Variants in WDR37 observed in about 807,000 individuals in gnomAD.
The protein encoded by WDR37 is WD repeat-containing protein 37.
A neutral mutation model predicts 62.9 loss-of-function variants in WDR37; 19 were observed. That is an observed-to-expected ratio of 0.30 (90% CI 0.21 to 0.44). WDR37 has a LOEUF of 0.44. Ranked by LOEUF, WDR37 falls within the 20% of genes least tolerant of loss-of-function variation. The pLI, the probability that WDR37 is intolerant of heterozygous loss-of-function variation, is 1.00. For synonymous variants in WDR37, 250 were observed against 260.9 expected (o/e 0.96, Z 0.40); for missense variants, 474 against 657.6 (o/e 0.72, Z 3.05).
intron 11 of WDR37, among the ~76,000 whole-genome samples, chr10:1,110,876 G>A (rs980923575): frequency 1.8e-4 from 28 of 152,364 alleles, no homozygotes; most frequent in African/African-American, 6.7e-4. Flanking sequence ...GGGAATGTTG[G>A]CCCAGGGCCG....
chr10:1,097,081 G>A (rs960535474), intron 9 of WDR37, among the ~76,000 whole-genome samples: 10 of 152,326 alleles, frequency 6.6e-5, no homozygotes, highest in Non-Finnish European at 1.5e-4. Flanking sequence ...AATGTTAAAG[G>A]TGCAGCCTGG....
At position 1,132,089 on chromosome 10, in the gene WDR37, T is replaced by C. The variant is rs1835960020; in HGVS notation, c.*2745T>C. On this transcript the variant is annotated 3_prime_UTR_variant, in exon 14 of 14. Coordinates refer to ENST00000263150, the MANE Select transcript of WDR37 (RefSeq NM_014023.4). The stretch of plus-strand genomic sequence containing the variant: ...GGAATCAGTTTTTATTGTATCGATA[T>C]AATTGTCTCTAAGTGTTGACTGTCT... The C allele has an allele frequency of 6.5e-6, 1 of 152,694 alleles. No individual in the cohort carries two copies. Among genetic ancestry groups the C allele is most frequent in the Admixed American group, 6.5e-5 (1 of 15,292 alleles). The allele number at this position is 152,694 out of a possible 1,614,324, so 9.5% of individuals were successfully genotyped here. A position where few individuals can be genotyped will look rare whatever the true frequency, so the allele number is the denominator to read the frequency against.
rs111845062 is a variant in WDR37 at position 1,116,138 on chromosome 10, G to A, written c.1104-8080G>A. Among the ~76,000 whole-genome samples the A allele has an allele frequency of 7.0e-3, 1,058 of 152,154 alleles. 19 individuals carry two copies. Among genetic ancestry groups the A allele is most frequent in the African/African-American group, 0.024 (1,010 of 41,484 alleles). ...CGTTGCACGCACCAGGCAACCTCCC[G>A]TCATCCACCCCGCCCCAGGTCTCCA... On this transcript the variant is annotated intron_variant, in intron 11 of 13. Transcript: ENST00000263150.
Position 1,121,373 on chromosome 10 carries a change from C to A in WDR37, c.1104-2845C>A, listed in dbSNP as rs1464725017. ...CCTCTCCTCTCATTCTTCCAGGCTC[C>A]CCCAGCAGCCGAAGTCCTCTAAGCC... is the stretch of plus-strand genomic sequence containing the variant. On this transcript the variant is annotated intron_variant, in intron 11 of 13. Transcript: ENST00000263150. This position sits in a 1 kb window ranked among gnomAD's most constrained non-coding sequence, Gnocchi z 4.5. Among the ~76,000 whole-genome samples the A allele has an allele frequency of 6.6e-6, 1 of 152,144 alleles. No individual in the cohort carries two copies. Among genetic ancestry groups the A allele is most frequent in the Non-Finnish European group, 1.5e-5 (1 of 68,028 alleles).
At chr10:1,091,394 C>G (rs1834383624) in intron 7 of WDR37, among the ~76,000 whole-genome samples, 1 of 152,198 alleles carries the variant, frequency 6.6e-6, no homozygotes, top group Non-Finnish European at 1.5e-5. Context: ...TACACGGTTT[C>G]CACCAGTTTT....
intron 12 of WDR37, 33 bp downstream of exon 12, chr10:1,124,385 T>C (rs2131693227): frequency 6.2e-7 from 1 of 1,613,242 alleles, no homozygotes; most frequent in Non-Finnish European, 8.5e-7. Context: ...GTAAGTGGCT[T>C]AGTTTGATGT....
At chr10:1,115,494 C>G (rs1212779815) in intron 11 of WDR37, among the ~76,000 whole-genome samples, 1 of 152,170 alleles carries the variant, frequency 6.6e-6, no homozygotes, top group Non-Finnish European at 1.5e-5. Flanking sequence ...CACAGTTTTG[C>G]AGCTTGTGTC....
intron 12 of WDR37, 148 bp downstream of exon 12, chr10:1,124,500 T>G: frequency 8.2e-7 from 1 of 1,218,978 alleles, no homozygotes; most frequent in Non-Finnish European, 1.1e-6. Context: ...GTTTCAGTAT[T>G]CCATGAAAAC....
In WDR37 at chr10:1,124,313, C is replaced by A; in HGVS notation, c.1199C>A (p.Ser400Tyr). ...GTCTGGGACTTGAAAAATATGAGAT[C>A]CCCCATTGCAACTATTCGCACGGAC... ...VKVWDLKNMRSPIATIRTDSA... is the reference protein window; with the variant it reads ...VKVWDLKNMRYPIATIRTDSA... Residue 400 changes from serine (S) to tyrosine (Y), a missense_variant, in exon 12 of 14, where the codon TCC becomes TAC. By Grantham distance (144) the Ser-to-Tyr change is moderately radical (BLOSUM62 -2). Coordinates refer to ENST00000263150, the MANE Select transcript of WDR37 (RefSeq NM_014023.4). 1 of 1,614,194 alleles carries A rather than the reference C, an allele frequency of 6.2e-7. No homozygotes were observed. Among genetic ancestry groups the A allele is most frequent in the Non-Finnish European group, 8.5e-7 (1 of 1,180,038 alleles).
At chr10:1,111,544 G>A (rs1835217775) in intron 11 of WDR37, among the ~76,000 whole-genome samples, 2 of 152,188 alleles carry the variant, frequency 1.3e-5, no homozygotes, top group South Asian at 4.1e-4. Context: ...TTGCTGGATG[G>A]GGATGGAGCT....
intron 7 of WDR37, among the ~76,000 whole-genome samples, chr10:1,090,455 G>T (rs1589098253): frequency 6.6e-6 from 1 of 152,182 alleles, no homozygotes; most frequent in Non-Finnish European, 1.5e-5. Flanking sequence ...CACCGTGCCC[G>T]GCCTGGAGAT....
At chr10:1,092,684 AG>A (rs1446800286) in intron 7 of WDR37, among the ~76,000 whole-genome samples, 1 of 151,880 alleles carries the variant, frequency 6.6e-6, no homozygotes, top group Non-Finnish European at 1.5e-5. Flanking sequence ...AAAAATGGCA[AG>A]ACCCTGTCTC....
chr10:1,103,231 T>G lies in WDR37; in HGVS notation c.727-371T>G, dbSNP rs1834884831. Among the ~76,000 whole-genome samples the G allele has an allele frequency of 6.6e-6, 1 of 152,264 alleles. No homozygotes were observed. The highest frequency in any genetic ancestry group is 1.5e-5 in the Non-Finnish European group (1 of 68,040). Reference sequence around the variant, plus strand: ...TTGTAATGTGATAAATTACTGACTTTCATTTGTATTTGGTTAGTTTTATAT... The same window carrying G: ...TTGTAATGTGATAAATTACTGACTTGCATTTGTATTTGGTTAGTTTTATAT... On this transcript the variant is annotated intron_variant, in intron 9 of 13. Coordinates refer to ENST00000263150, the MANE Select transcript of WDR37 (RefSeq NM_014023.4). The surrounding 1 kb of genome is among the most constrained non-coding windows in gnomAD (Gnocchi z 6.3).
chr10:1,124,136 CACT>C, intron 11 of WDR37, 79 bp from the exon 12 acceptor site: 1 of 1,583,002 alleles, frequency 6.3e-7, no homozygotes, highest in Non-Finnish European at 8.6e-7. Context: ...CCTTCCCACC[CACT>C]TGGTCAGGGT....
At chr10:1,084,976 AT>A (rs762677739) in intron 6 of WDR37, among the ~76,000 whole-genome samples, 4 of 152,192 alleles carry the variant, frequency 2.6e-5, no homozygotes, top group Admixed American at 6.5e-5. Flanking sequence ...TCTTTTTCTT[AT>A]TTGAGACGGA....
At chr10:1,101,744 C>T (rs949045921) in intron 9 of WDR37, among the ~76,000 whole-genome samples, 10 of 152,218 alleles carry the variant, frequency 6.6e-5, no homozygotes, top group Non-Finnish European at 1.3e-4. Flanking sequence ...CCGCACATGG[C>T]GGGAATGTTG....
intron 11 of WDR37, among the ~76,000 whole-genome samples, chr10:1,116,852 A>G (rs1441207150): frequency 2.0e-5 from 3 of 151,866 alleles, no homozygotes; most frequent in African/African-American, 7.3e-5. Context: ...AGACGTTAGC[A>G]GATACAGTGT....
chr10:1,074,900 C>A (rs1299344430), intron 2 of WDR37, among the ~76,000 whole-genome samples: 1 of 152,272 alleles, frequency 6.6e-6, no homozygotes, highest in Non-Finnish European at 1.5e-5. Flanking sequence ...GCGACGTCCA[C>A]GTGCACACAG....
At chr10:1,125,101 T>C in intron 13 of WDR37, 77 bp downstream of exon 13, 1 of 1,540,892 alleles carries the variant, frequency 6.5e-7, no homozygotes. Flanking sequence ...TCTCATTTTC[T>C]TACTAAGTCT....
Sources: gnomAD v4.1 joint callset for allele counts (sites outside exome capture counted in the v4.1 genomes callset) on GRCh38, gnomAD v4.1.1 for gene constraint, Gnocchi (gnomAD v3.1) non-coding constraint, MANE v1.5 for transcripts, NCBI Gene and HGNC (gene_info 2026-07-23, HGNC 2026-07-21) for gene names.